The following MAF variants were observed in gnomAD, a reference collection of about 807,000 sequenced individuals.
The protein encoded by MAF is MAF bZIP transcription factor.
A neutral mutation model predicts 22.0 loss-of-function variants in MAF; 10 were observed. That is an observed-to-expected ratio of 0.45 (90% CI 0.28 to 0.77). The LOEUF is 0.77. MAF is among the 30% of genes least tolerant of loss of function. The pLI is 0.12. For missense variants in MAF, 544 were observed against 548.4 expected, an observed-to-expected ratio of 0.99 and a Z score of 0.08; for synonymous variants, 337 against 255.8, an observed-to-expected ratio of 1.32 and a Z score of -3.03.
the MAF span, among the ~76,000 whole-genome samples, chr16:79,395,128 A>T: frequency 6.6e-6 from 1 of 152,240 alleles, no homozygotes; most frequent in Non-Finnish European, 1.5e-5. Context: ...GTGTGATCAC[A>T]GCCCAGGTAG....
chr16:79,361,464 A>C, the MAF span, among the ~76,000 whole-genome samples: 1 of 152,164 alleles, frequency 6.6e-6, no homozygotes, highest in Non-Finnish European at 1.5e-5. Flanking sequence ...GATTAGTAAT[A>C]AGAACATAGC....
the MAF span, among the ~76,000 whole-genome samples, chr16:79,525,870 GC>G: frequency 6.6e-6 from 1 of 152,096 alleles, no homozygotes; most frequent in African/African-American, 2.4e-5. Context: ...GCAAGAATTC[GC>G]GAGAAAGAAT....
chr16:79,239,958 G>C, the MAF span, among the ~76,000 whole-genome samples: 1 of 152,040 alleles, frequency 6.6e-6, no homozygotes, highest in Admixed American at 6.6e-5. Context: ...GATAGATGCA[G>C]AGGATGTGTG....
the MAF span, chr16:79,212,083 C>G: frequency 1.3e-6 from 2 of 1,536,224 alleles, no homozygotes; most frequent in East Asian, 2.4e-5. Context: ...TCCGTATCTC[C>G]CTGGAGAAGC....
the MAF span, among the ~76,000 whole-genome samples, chr16:79,475,760 A>G: frequency 2.0e-5 from 3 of 152,188 alleles, no homozygotes; most frequent in East Asian, 5.8e-4. Context: ...TGTGGAGTGA[A>G]GCAAGAATGG....
chr16:79,464,842 G>C, the MAF span, among the ~76,000 whole-genome samples: 1 of 152,184 alleles, frequency 6.6e-6, no homozygotes, highest in Non-Finnish European at 1.5e-5. Flanking sequence ...AAGAAAGTAA[G>C]TCATGGGACC....
At chr16:79,403,416 C>G in the MAF span, among the ~76,000 whole-genome samples, 1 of 152,176 alleles carries the variant, frequency 6.6e-6, no homozygotes. Flanking sequence ...CAGCCTCAAA[C>G]GCAGAAAGGT....
At chr16:79,499,504 C>T in the MAF span, among the ~76,000 whole-genome samples, 1 of 152,170 alleles carries the variant, frequency 6.6e-6, no homozygotes, top group Non-Finnish European at 1.5e-5. Flanking sequence ...ATGTTGAAAT[C>T]CAATCATCAA....
the MAF span, among the ~76,000 whole-genome samples, chr16:79,533,563 G>A: frequency 6.6e-6 from 1 of 152,132 alleles, no homozygotes. Flanking sequence ...GAGGGGGAAT[G>A]GAAAGTATGA....
At chr16:79,447,633 C>A in the MAF span, among the ~76,000 whole-genome samples, 5 of 152,130 alleles carry the variant, frequency 3.3e-5, no homozygotes, top group South Asian at 2.1e-4. Context: ...CCATTAGAAA[C>A]GTTTGTGATT....
At chr16:79,434,579 T>A in the MAF span, among the ~76,000 whole-genome samples, 1 of 152,048 alleles carries the variant, frequency 6.6e-6, no homozygotes. Context: ...TATGTTATGT[T>A]ATAGATTATG....
chr16:79,503,570 T>C, the MAF span, among the ~76,000 whole-genome samples: 1 of 152,220 alleles, frequency 6.6e-6, no homozygotes, highest in African/African-American at 2.4e-5. Flanking sequence ...TGATCATTCT[T>C]TGTGGATTTC....
chr16:79,485,573 T>G, the MAF span, among the ~76,000 whole-genome samples: 1 of 152,182 alleles, frequency 6.6e-6, no homozygotes, highest in Non-Finnish European at 1.5e-5. Context: ...TTAGTTGTAG[T>G]AAGTCCATGA....
the MAF span, among the ~76,000 whole-genome samples, chr16:79,214,580 T>A: frequency 6.6e-6 from 1 of 151,454 alleles, no homozygotes; most frequent in Non-Finnish European, 1.5e-5. Context: ...TAATTTTTCA[T>A]ATTTTAAGTA....
At chr16:79,579,509 C>T in the MAF span, among the ~76,000 whole-genome samples, 1 of 151,968 alleles carries the variant, frequency 6.6e-6, no homozygotes, top group African/African-American at 2.4e-5. Context: ...TTACCGATAC[C>T]AAACTTTGAT....
chr16:79,514,430 T>C, the MAF span, among the ~76,000 whole-genome samples: 1 of 152,202 alleles, frequency 6.6e-6, no homozygotes, highest in Non-Finnish European at 1.5e-5. Context: ...ATTCACAGAA[T>C]GGGTGCAAAT....
At chr16:79,337,965 C>A in the MAF span, among the ~76,000 whole-genome samples, 1 of 152,110 alleles carries the variant, frequency 6.6e-6, no homozygotes, top group Non-Finnish European at 1.5e-5. Flanking sequence ...CTTGTATGCA[C>A]TTCAGATTGA....
the MAF span, among the ~76,000 whole-genome samples, chr16:79,338,576 A>T: frequency 3.6e-4 from 51 of 142,550 alleles, no homozygotes; most frequent in African/African-American, 1.6e-3. Context: ...ACAAGGTTAC[A>T]GAAGCAAAAT....
At chr16:79,359,906 G>A in the MAF span, among the ~76,000 whole-genome samples, 132 of 152,174 alleles carry the variant, frequency 8.7e-4, 2 homozygotes, top group Non-Finnish European at 1.3e-3. Context: ...GAGAAGAGAA[G>A]GCCATGGGAT....
Sources: gnomAD v4.1 joint callset for allele counts (sites outside exome capture counted in the v4.1 genomes callset) on GRCh38, gnomAD v4.1.1 for gene constraint, MANE v1.5 for transcripts, NCBI Gene and HGNC (gene_info 2026-07-23, HGNC 2026-07-21) for gene names.